Variants in IGSF9B observed in about 807,000 individuals in gnomAD.
The protein encoded by IGSF9B is immunoglobulin superfamily member 9B, also known as protein turtle homolog B.
A neutral mutation model predicts 143.7 loss-of-function variants in IGSF9B; 48 were observed. That is an observed-to-expected ratio of 0.33 (90% CI 0.26 to 0.42). The LOEUF (loss-of-function observed/expected upper bound fraction) is 0.42, where lower values mean the gene tolerates loss of function less well. Among genes scored for constraint, IGSF9B ranks in the 20% least tolerant of loss-of-function variants. IGSF9B has a pLI of 1.00. For missense variants in IGSF9B, 1,706 were observed against 1,980.0 expected (o/e 0.86, Z 2.63); for synonymous variants, 903 against 833.1 (o/e 1.08, Z -1.44).
Position 133,948,325 on chromosome 11 carries a change from A to G in IGSF9B, c.65-2067T>C, listed in dbSNP as rs1201280284. 1.3e-5 allele frequency among the ~76,000 whole-genome samples: 2 copies of G among 152,070 alleles called. No homozygotes were observed. The highest frequency in any genetic ancestry group is 2.9e-5 in the Non-Finnish European group (2 of 68,034). ...TCCCGGTGACATCACAGTTTTCTAG[A>G]GAAAGAGCTAAGATCACAGAGTATT... On this transcript the variant is annotated intron_variant, in intron 1 of 19. Coordinates refer to ENST00000533871, the MANE Select transcript of IGSF9B (RefSeq NM_001277285.4). The surrounding 1 kb of genome is among the most constrained non-coding windows in gnomAD (Gnocchi z 4.7).
chr11:133,915,980 G>A (rs753798064), intron 18 of IGSF9B, among the ~76,000 whole-genome samples: 14 of 152,198 alleles, frequency 9.2e-5, no homozygotes, highest in Non-Finnish European at 1.3e-4. Context: ...CTGTGGGGCC[G>A]GACTCAGACC....
rs1476052032 is a variant in IGSF9B, at chr11:133,901,269, C to T, written c.*7800G>A. ...CAAGCAACTCTGAACAGAGAGAATA[C>T]CAAAGGAAGAGCAGGGAAGGAGGTG... On this transcript the variant is annotated 3_prime_UTR_variant, in exon 20 of 20. Transcript: ENST00000533871. 1.3e-5 allele frequency: 2 copies of T among 152,286 alleles called. No homozygotes were observed. Among genetic ancestry groups the T allele is most frequent in the African/African-American group, 4.8e-5 (2 of 41,542 alleles). The allele number at this position is 152,286 out of a possible 1,614,324, so 9.4% of individuals were successfully genotyped here.
chr11:133,932,200 G>A lies in IGSF9B; in HGVS notation c.981C>T (p.Val327=). 1 of 1,566,384 alleles carries A rather than the reference G, an allele frequency of 6.4e-7. No individual in the cohort carries two copies. The highest frequency in any genetic ancestry group is 1.7e-4 in the Middle Eastern group (1 of 6,002). Residue 327 remains valine (V), a synonymous_variant, in exon 8 of 20, where the codon GTC becomes GTT. Coordinates refer to ENST00000533871, the MANE Select transcript of IGSF9B (RefSeq NM_001277285.4). ...CGTAAATCACAGGGGGCATGTTGAGGACACGCGCTGGGTCTGCATAGAGGA... is the reference window on the plus strand; with the variant it reads ...CGTAAATCACAGGGGGCATGTTGAGAACACGCGCTGGGTCTGCATAGAGGA... ...AYLTVQYPAR[V]LNMPPVIYVP...
intron 18 of IGSF9B, among the ~76,000 whole-genome samples, chr11:133,912,565 C>T (rs181974381): frequency 6.6e-6 from 1 of 152,310 alleles, no homozygotes; most frequent in Non-Finnish European, 1.5e-5. Flanking sequence ...TCCCGCAGAA[C>T]AGCAGCAGCT....
In IGSF9B at chr11:133,898,898, A is replaced by G. The variant is rs555276492; in HGVS notation, c.*10171T>C. 2 of 152,408 alleles carry G rather than the reference A, an allele frequency of 1.3e-5. No individual in the cohort carries two copies. The highest frequency in any genetic ancestry group is 1.3e-4 in the Admixed American group (2 of 15,306). 9.4% of individuals were successfully genotyped at this position (152,408 alleles called of 1,614,324 possible). A position where few individuals can be genotyped will look rare whatever the true frequency, so the allele number is the denominator to read the frequency against. On this transcript the variant is annotated 3_prime_UTR_variant, in exon 20 of 20. Transcript: ENST00000533871. Reference sequence around the variant, plus strand: ...TTCAGACCGCCCAAAGTGGATCACCATGAACATCTACCGCCAAGAAGAGTG... The same window carrying G: ...TTCAGACCGCCCAAAGTGGATCACCGTGAACATCTACCGCCAAGAAGAGTG...
Position 133,936,103 on chromosome 11 carries a change from G to A in IGSF9B, c.771C>T (p.Gly257=), listed in dbSNP as rs534083448. 1.2e-6 allele frequency: 2 copies of A among 1,613,460 alleles called. No homozygotes were observed. The highest frequency in any genetic ancestry group is 1.7e-6 in the Non-Finnish European group (2 of 1,179,722). The change falls in exon 6 of 20, where the codon GGC becomes GGT. Residue 257 remains glycine (G), a synonymous_variant. Coordinates refer to ENST00000533871, the MANE Select transcript of IGSF9B (RefSeq NM_001277285.4). The part of the protein sequence containing the change: ...LLTCRAEAYP[G]NLTYTWYWQD... Reference sequence around the variant, plus strand: ...GCCAGTACCAGGTGTAGGTGAGGTTGCCCGGATACGCCTCTGCCCGGCAGG... The same window carrying A: ...GCCAGTACCAGGTGTAGGTGAGGTTACCCGGATACGCCTCTGCCCGGCAGG...
chr11:133,945,780 C>A lies in IGSF9B; in HGVS notation c.262+281G>T, dbSNP rs762276337. ...TGACTCAGTCTGCTGTCCTCTCCAT[C>A]CCACTCTCCCACCCAGGCCTCTCCA... is the stretch of plus-strand genomic sequence containing the variant. On this transcript the variant is annotated intron_variant, in intron 2 of 19. Transcript: ENST00000533871. This position sits in a 1 kb window ranked among gnomAD's most constrained non-coding sequence, Gnocchi z 4.6. Among the ~76,000 whole-genome samples, 3 of 152,264 alleles carry A rather than the reference C, an allele frequency of 2.0e-5. No individual in the cohort carries two copies. The highest frequency in any genetic ancestry group is 7.2e-5 in the African/African-American group (3 of 41,562).
At chr11:133,935,932 C>A in intron 6 of IGSF9B, 121 bp downstream of exon 6, 2 of 1,403,920 alleles carry the variant, frequency 1.4e-6, no homozygotes, top group Non-Finnish European at 1.9e-6. Flanking sequence ...ACGGACCAGA[C>A]TGCCCACCTC....
rs770923328 is a variant in IGSF9B, at chr11:133,926,996, G to C, written c.1727C>G (p.Thr576Arg). Residue 576 changes from threonine (T) to arginine (R), a missense_variant, in exon 13 of 20, where the codon ACA (threonine) becomes AGA (arginine). Physicochemically the swap from Thr to Arg is moderately conservative, Grantham distance 71. Transcript: ENST00000533871. ...WLLVDTLEPE[T>R]AYQFSVLAQN... ...GGCCAGGACGCTGAACTGGTACGCT[G>C]TCTCAGGCTCCAGGGTGTCCACCAG... The C allele has an allele frequency of 6.3e-7, 1 of 1,585,298 alleles. No individual in the cohort carries two copies. Among genetic ancestry groups the C allele is most frequent in the East Asian group, 2.3e-5 (1 of 43,102 alleles).
intron 15 of IGSF9B, 136 bp from the exon 16 acceptor site, chr11:133,922,866 T>C: frequency 1.3e-6 from 1 of 774,550 alleles, no homozygotes; most frequent in Non-Finnish European, 2.0e-6. Context: ...AGCTGAACTC[T>C]AGCACTGAAG....
chr11:133,949,460 A>G (rs185983460), intron 1 of IGSF9B, among the ~76,000 whole-genome samples: 2 of 152,324 alleles, frequency 1.3e-5, no homozygotes, highest in Admixed American at 1.3e-4. Context: ...TATGAAAAAA[A>G]GTAATCAGGC....
rs778896182 is a variant in IGSF9B at position 133,926,905 on chromosome 11, C to A, written c.1807+11G>T. On this transcript the variant is annotated intron_variant, in intron 13 of 19. Transcript: ENST00000533871. ...AACCCCCGCTCCCAACATCCCACCCCGGGCCCTCACCTAAAGTGTTCACAG... is the reference window on the plus strand; with the variant it reads ...AACCCCCGCTCCCAACATCCCACCCAGGGCCCTCACCTAAAGTGTTCACAG... 9 of 1,568,440 alleles carry A rather than the reference C, an allele frequency of 5.7e-6. No homozygotes were observed. Among genetic ancestry groups the A allele is most frequent in the Non-Finnish European group, 7.8e-6 (9 of 1,152,508 alleles).
At chr11:133,923,937 G>A (rs1227262391) in intron 15 of IGSF9B, among the ~76,000 whole-genome samples, 1 of 152,228 alleles carries the variant, frequency 6.6e-6, no homozygotes, top group Non-Finnish European at 1.5e-5. Flanking sequence ...AAGAAAGACT[G>A]TGGGTTCTGC....
rs71038546 is a variant in IGSF9B, at chr11:133,948,056, C to CGT, written c.65-1800_65-1799dup. On this transcript the variant is annotated intron_variant, in intron 1 of 19. Coordinates refer to ENST00000533871, the MANE Select transcript of IGSF9B (RefSeq NM_001277285.4). The surrounding 1 kb of genome is among the most constrained non-coding windows in gnomAD (Gnocchi z 4.7). Reference sequence around the variant, plus strand: ...CTGTTTCTGTCTACCAGCATGTGTGCGTGTGTGTGTGTGTGTGTGTGTGTG... The same window carrying CGT: ...CTGTTTCTGTCTACCAGCATGTGTGCGTGTGTGTGTGTGTGTGTGTGTGTGTG... Among the ~76,000 whole-genome samples the CGT allele has an allele frequency of 0.09, 13,316 of 147,166 alleles. 658 individuals are homozygous for CGT. Among genetic ancestry groups the CGT allele is most frequent in the South Asian group, 0.15 (668 of 4,520 alleles).
chr11:133,929,570 G>T, intron 12 of IGSF9B, 101 bp downstream of exon 12: 1 of 805,076 alleles, frequency 1.2e-6, no homozygotes, highest in Non-Finnish European at 2.1e-6. Context: ...AGGAACTGCA[G>T]CCTCCTCCTA....
intron 18 of IGSF9B, chr11:133,919,086 GTCTGTCTCTCTGCAGCTTCCT>G: frequency 2.2e-6 from 1 of 448,906 alleles, no homozygotes. Context: ...GCGGGAGCTG[GTCTGTCTCTCTGCAGCTTCCT>G]GCGAGGTATA....
rs1939153130 is a variant in IGSF9B, at chr11:133,902,482, A to ATACACACAC, written c.*6586_*6587insGTGTGTGTA. Among the ~76,000 whole-genome samples, 1 of 119,390 alleles carries ATACACACAC rather than the reference A, an allele frequency of 8.4e-6. No individual in the cohort carries two copies. The highest frequency in any genetic ancestry group is 2.9e-4 in the South Asian group (1 of 3,498). 78.3% of individuals were successfully genotyped at this position (119,390 alleles called of 152,430 possible). A position where few individuals can be genotyped will look rare whatever the true frequency, so the allele number is the denominator to read the frequency against. ...CACACAGATACACACACCACACACAACACACACACACACCAGACATGCACA... is the reference window on the plus strand; with the variant it reads ...CACACAGATACACACACCACACACAATACACACACCACACACACACACCAGACATGCACA... On this transcript the variant is annotated 3_prime_UTR_variant, in exon 20 of 20. Coordinates refer to ENST00000533871, the MANE Select transcript of IGSF9B (RefSeq NM_001277285.4).
At chr11:133,946,330 G>C in intron 1 of IGSF9B, 72 bp from the exon 2 acceptor site, 1 of 1,326,610 alleles carries the variant, frequency 7.5e-7, no homozygotes, top group Non-Finnish European at 1.1e-6. Context: ...CCCCATGTCC[G>C]TGTCACAGGG....
At position 133,920,880 on chromosome 11, in the gene IGSF9B, C is replaced by T. The variant is rs1438593775; in HGVS notation, c.2845G>A (p.Ala949Thr). 6.2e-7 allele frequency: 1 copy of T among 1,606,354 alleles called. No individual in the cohort carries two copies. The highest frequency in any genetic ancestry group is 1.3e-5 in the African/African-American group (1 of 74,724). Reference protein sequence around the residue: ...GPGGLEGRLQATGQARPPAPR... With the variant: ...GPGGLEGRLQTTGQARPPAPR... ...GCAGGGGGCCGGGCCTGGCCTGTGG[C>T]CTGAAGCCGACCTTCCAGGCCACCG... Residue 949 changes from alanine (A) to threonine (T), a missense_variant, in exon 18 of 20, where the codon GCC becomes ACC. Around this residue, in one of 7 missense-constraint regions of IGSF9B, gnomAD observed 880 missense variants for 762.9 expected, o/e 1.15. Coordinates refer to ENST00000533871, the MANE Select transcript of IGSF9B (RefSeq NM_001277285.4).
Sources: gnomAD v4.1 joint callset for allele counts (sites outside exome capture counted in the v4.1 genomes callset) on GRCh38, gnomAD v4.1.1 for gene constraint, gnomAD v4.1.1 regional missense constraint, Gnocchi (gnomAD v3.1) non-coding constraint, MANE v1.5 for transcripts, NCBI Gene and HGNC (gene_info 2026-07-23, HGNC 2026-07-21) for gene names.